The following LMNB1 variants were observed in gnomAD, a reference collection of about 807,000 sequenced individuals.
The protein encoded by LMNB1 is lamin B1.
LMNB1 carries 23 observed loss-of-function variants against 67.1 expected under a neutral mutation model. The ratio of observed to expected loss-of-function variants is 0.34; its 90% CI spans 0.25 to 0.49. The LOEUF (loss-of-function observed/expected upper bound fraction) is 0.49. Among genes scored for constraint, LMNB1 ranks in the 20% least tolerant of loss-of-function variants. The pLI is 0.99. For synonymous variants in LMNB1, 281 were observed against 282.9 expected (o/e 0.99, Z 0.07); for missense variants, 634 against 746.5 (o/e 0.85, Z 1.76).
chr5:126,801,694 C>T (rs987612797), intron 1 of LMNB1, among the ~76,000 whole-genome samples: 1 of 152,348 alleles, frequency 6.6e-6, no homozygotes, highest in South Asian at 2.1e-4. Flanking sequence ...TTGTTCCATA[C>T]AATAACTTGT....
intron 1 of LMNB1, among the ~76,000 whole-genome samples, chr5:126,804,238 C>CTTTTTTTTTTT (rs61232506): frequency 9.9e-5 from 10 of 101,158 alleles, no homozygotes; most frequent in Non-Finnish European, 1.5e-4. Flanking sequence ...GTGCCAGGCT[C>CTTTTTTTTTTT]TTTTTTTTTT....
chr5:126,814,737 C>T (rs950859645), intron 5 of LMNB1, among the ~76,000 whole-genome samples: 6 of 152,090 alleles, frequency 3.9e-5, no homozygotes, highest in African/African-American at 1.4e-4. Flanking sequence ...ATGGGGTGCA[C>T]CATGTTAGCC....
At chr5:126,780,277 G>A (rs1750596073) in intron 1 of LMNB1, among the ~76,000 whole-genome samples, 1 of 152,184 alleles carries the variant, frequency 6.6e-6, no homozygotes, top group Non-Finnish European at 1.5e-5. Context: ...TTAAAAAAAT[G>A]AATTACTGTT....
chr5:126,815,596 T>G (rs1751688084), intron 5 of LMNB1, among the ~76,000 whole-genome samples: 1 of 152,136 alleles, frequency 6.6e-6, no homozygotes, highest in African/African-American at 2.4e-5. Flanking sequence ...TCATCAGAAG[T>G]CATAAAATTT....
At chr5:126,780,309 G>A (rs146852040) in intron 1 of LMNB1, among the ~76,000 whole-genome samples, 1 of 152,176 alleles carries the variant, frequency 6.6e-6, no homozygotes, top group Admixed American at 6.5e-5. Context: ...AGAGTGTAGT[G>A]GGGGAGCTAT....
At chr5:126,823,292 C>G (rs1167490288) in intron 8 of LMNB1, among the ~76,000 whole-genome samples, 2 of 152,142 alleles carry the variant, frequency 1.3e-5, no homozygotes, top group Admixed American at 1.3e-4. Flanking sequence ...TCACCCTTTG[C>G]TATCTTTAGG....
rs535732582 is a variant in LMNB1 at position 126,813,981 on chromosome 5, C to T, written c.939+2083C>T. ...CGCAATCTCGGCTCACTGCAACCTC[C>T]GCCTCCCAGGTTTAAGCAATTCCCC... On this transcript the variant is annotated intron_variant, in intron 5 of 10. Coordinates refer to ENST00000261366, the MANE Select transcript of LMNB1 (RefSeq NM_005573.4). 1.5e-4 allele frequency among the ~76,000 whole-genome samples: 23 copies of T among 152,140 alleles called. No homozygotes were observed. In the South Asian group the frequency reaches 3.5e-3, roughly 23 times the overall value.
chr5:126,835,724 A>T (rs779654103), intron 10 of LMNB1, among the ~76,000 whole-genome samples: 3 of 152,202 alleles, frequency 2.0e-5, no homozygotes, highest in Non-Finnish European at 4.4e-5. Context: ...CAGGATCTGA[A>T]TGTGTAGCCA....
At chr5:126,778,268 T>C (rs1038461404) in intron 1 of LMNB1, among the ~76,000 whole-genome samples, 3 of 151,848 alleles carry the variant, frequency 2.0e-5, no homozygotes, top group African/African-American at 7.3e-5. Context: ...CGCCCCAGTT[T>C]CCGGCCGGCG....
chr5:126,820,670 C>T (rs577025884), intron 6 of LMNB1, among the ~76,000 whole-genome samples: 9 of 152,012 alleles, frequency 5.9e-5, no homozygotes, highest in East Asian at 3.9e-4. Flanking sequence ...GTATTACAGG[C>T]GCCCACCACC....
At position 126,836,381 on chromosome 5, in the gene LMNB1, C is replaced by A; in HGVS notation, c.*117C>A. The A allele has an allele frequency of 1.4e-6, 1 of 722,604 alleles. No homozygotes were observed. Among genetic ancestry groups the A allele is most frequent in the Non-Finnish European group, 2.3e-6 (1 of 427,264 alleles). The allele number at this position is 722,604 out of a possible 1,614,324, so 44.8% of individuals were successfully genotyped here. A position where few individuals can be genotyped will look rare whatever the true frequency, so the allele number is the denominator to read the frequency against. ...TATTTCCTTTATGTGAATTTTTAAG[C>A]TGCAAATCTGATGGCCTTAATTTCC... is the stretch of plus-strand genomic sequence containing the variant. On this transcript the variant is annotated 3_prime_UTR_variant, in exon 11 of 11. Coordinates refer to ENST00000261366, the MANE Select transcript of LMNB1 (RefSeq NM_005573.4).
In LMNB1 at chr5:126,803,087, G is replaced by C. The variant is rs567726954; in HGVS notation, c.360-1689G>C. Among the ~76,000 whole-genome samples, 8 of 150,318 alleles carry C rather than the reference G, an allele frequency of 5.3e-5. No individual in the cohort carries two copies. The East Asian group carries it at 1.6e-3, about 31-fold the overall frequency. On this transcript the variant is annotated intron_variant, in intron 1 of 10. Transcript: ENST00000261366. ...TGTAATCCCAGCTACTTGGGAGGCT[G>C]AGGCATGAGAACCACTTGAAACCAG...
At chr5:126,804,665 A>G (rs961515767) in intron 1 of LMNB1, 111 bp from the exon 2 acceptor site, 3 of 946,442 alleles carry the variant, frequency 3.2e-6, no homozygotes, top group African/African-American at 3.4e-5. Flanking sequence ...TTGATAGGTG[A>G]TGGGAGCCTT....
intron 9 of LMNB1, among the ~76,000 whole-genome samples, chr5:126,830,602 T>C (rs1347239386): frequency 6.6e-6 from 1 of 152,228 alleles, no homozygotes; most frequent in African/African-American, 2.4e-5. Context: ...GTTAAGGTAA[T>C]TCATAATAAT....
intron 1 of LMNB1, among the ~76,000 whole-genome samples, chr5:126,792,483 A>C (rs1205471858): frequency 6.6e-6 from 1 of 151,018 alleles, no homozygotes; most frequent in South Asian, 2.1e-4. Flanking sequence ...ATTGTCCTTC[A>C]TAGTCCCTCT....
At chr5:126,832,673 T>C in intron 9 of LMNB1, 21 bp from the exon 10 acceptor site, 1 of 1,557,218 alleles carries the variant, frequency 6.4e-7, no homozygotes, top group Non-Finnish European at 8.8e-7. Flanking sequence ...GTTTTTTAAC[T>C]TAAACTACTA....
Position 126,777,317 on chromosome 5 carries a change from G to A in LMNB1, c.-192G>A, listed in dbSNP as rs918620791. ...CGATTGATTCGTAGTTCCCCCCCGC[G>A]CGCCTTTGCCCTTTGTGCTGTAATC... On this transcript the variant is annotated 5_prime_UTR_variant, in exon 1 of 11. Transcript: ENST00000261366. 3.9e-5 allele frequency: 17 copies of A among 437,848 alleles called. No homozygotes were observed. The highest frequency in any genetic ancestry group is 6.3e-5 in the Non-Finnish European group (17 of 268,232). The allele number at this position is 437,848 out of a possible 1,614,324, so 27.1% of individuals were successfully genotyped here.
chr5:126,819,168 C>G lies in LMNB1; in HGVS notation c.1160+26C>G, dbSNP rs140496054. 7.1e-4 allele frequency: 1,080 copies of G among 1,515,080 alleles called. 1 individual carries two copies. The African/African-American group carries it at 9.8e-3, about 14-fold the overall frequency. 93.9% of individuals were successfully genotyped at this position (1,515,080 alleles called of 1,614,324 possible). ...GTAAGGAACTTAAGGGTCACCCTACCTTATGGTCCACTTTTTGCCTCTCAC... is the reference window on the plus strand; with the variant it reads ...GTAAGGAACTTAAGGGTCACCCTACGTTATGGTCCACTTTTTGCCTCTCAC... On this transcript the variant is annotated intron_variant, in intron 6 of 10. Transcript: ENST00000261366.
chr5:126,832,663 G>A (rs779729979), intron 9 of LMNB1, 31 bp from the exon 10 acceptor site: 17 of 1,506,232 alleles, frequency 1.1e-5, no homozygotes, highest in Admixed American at 6.7e-5. Flanking sequence ...TTTTAAGTGT[G>A]TTTTTTAACT....
Sources: allele counts gnomAD v4.1 joint callset (sites outside exome capture counted in the v4.1 genomes callset), GRCh38; gene constraint gnomAD v4.1.1; transcripts MANE v1.5; gene names NCBI Gene and HGNC (gene_info 2026-07-23, HGNC 2026-07-21).